GAD2: variants seen among roughly 807,000 people sequenced by gnomAD.
GAD2 encodes 65 kDa glutamic acid decarboxylase.
GAD2 carries 22 observed loss-of-function variants against 80.1 expected under a neutral mutation model. The ratio of observed to expected loss-of-function variants is 0.27; its 90% CI spans 0.20 to 0.39. The LOEUF (loss-of-function observed/expected upper bound fraction) is 0.39, where lower values mean the gene tolerates loss of function less well. Ranked by LOEUF, GAD2 falls within the 10% of genes least tolerant of loss-of-function variation. The pLI, the probability that GAD2 is intolerant of heterozygous loss-of-function variation, is 1.00. For synonymous variants in GAD2, 274 were observed against 256.9 expected, an observed-to-expected ratio of 1.07 and a Z score of -0.64; for missense variants, 624 against 738.4, an observed-to-expected ratio of 0.85 and a Z score of 1.80.
chr10:26,244,170 G>A (rs1027411269), intron 7 of GAD2, among the ~76,000 whole-genome samples: 8 of 152,180 alleles, frequency 5.3e-5, no homozygotes, highest in South Asian at 2.1e-4. Flanking sequence ...ATGCAAATCC[G>A]AAGCATAATG....
chr10:26,252,543 A>C (rs568662097), intron 8 of GAD2, among the ~76,000 whole-genome samples: 1 of 151,744 alleles, frequency 6.6e-6, no homozygotes, highest in African/African-American at 2.4e-5. Context: ...GGATCTTATC[A>C]TGTCACCATG....
intron 7 of GAD2, among the ~76,000 whole-genome samples, chr10:26,234,142 G>T (rs1404585198): frequency 6.6e-6 from 1 of 151,908 alleles, no homozygotes; most frequent in Admixed American, 6.6e-5. Flanking sequence ...TGGCCAACAT[G>T]GTGAAACCCC....
intron 8 of GAD2, among the ~76,000 whole-genome samples, chr10:26,254,984 G>A (rs1008540286): frequency 2.0e-5 from 3 of 152,254 alleles, no homozygotes; most frequent in African/African-American, 7.2e-5. Context: ...CAGATTTGGA[G>A]ATACTGAGTT....
At chr10:26,288,633 T>C (rs1834177242) in intron 13 of GAD2, among the ~76,000 whole-genome samples, 1 of 152,204 alleles carries the variant, frequency 6.6e-6, no homozygotes, top group African/African-American at 2.4e-5. Context: ...TGAATGTAAA[T>C]ATCAGGTAGC....
intron 13 of GAD2, among the ~76,000 whole-genome samples, chr10:26,287,843 G>T (rs1039278940): frequency 1.3e-5 from 2 of 152,112 alleles, no homozygotes; most frequent in Non-Finnish European, 2.9e-5. Context: ...ATGCTTGGTG[G>T]AGTGGATATA....
At chr10:26,250,041 T>A (rs1185564640) in intron 8 of GAD2, among the ~76,000 whole-genome samples, 4 of 151,996 alleles carry the variant, frequency 2.6e-5, no homozygotes, top group Admixed American at 6.5e-5. Context: ...TTTTTTTTTT[T>A]AAGACATGAG....
At chr10:26,257,408 C>T (rs562340814) in intron 8 of GAD2, among the ~76,000 whole-genome samples, 1 of 152,272 alleles carries the variant, frequency 6.6e-6, no homozygotes, top group South Asian at 2.1e-4. Context: ...GCTCTAGCAC[C>T]TTCTTCCACT....
At position 26,254,803 on chromosome 10, in the gene GAD2, G is replaced by A. The variant is rs79436585; in HGVS notation, c.920+8803G>A. Among the ~76,000 whole-genome samples, 10 of 152,302 alleles carry A rather than the reference G, an allele frequency of 6.6e-5. No homozygotes were observed. In the South Asian group the frequency reaches 1.5e-3, roughly 22 times the overall value. ...AATGGGAGATGATGAATAGCGGGCC[G>A]ACCAGATGCAGAGCAAGGGACAGGG... On this transcript the variant is annotated intron_variant, in intron 8 of 15. Transcript: ENST00000376261.
chr10:26,273,581 A>G, intron 10 of GAD2, 55 bp from the exon 11 acceptor site: 1 of 1,438,254 alleles, frequency 7.0e-7, no homozygotes, highest in Non-Finnish European at 9.8e-7. Flanking sequence ...ACCAGACTAT[A>G]GAAATCTAGG....
chr10:26,252,337 AT>A (rs1004422452), intron 8 of GAD2, among the ~76,000 whole-genome samples: 5 of 149,898 alleles, frequency 3.3e-5, no homozygotes, highest in East Asian at 2.0e-4. Flanking sequence ...TGCGAGGTAC[AT>A]TTTTTTTTCT....
At chr10:26,233,570 C>T (rs1184481332) in intron 7 of GAD2, among the ~76,000 whole-genome samples, 5 of 152,186 alleles carry the variant, frequency 3.3e-5, no homozygotes, top group African/African-American at 4.8e-5. Flanking sequence ...TCCTTCTGGG[C>T]TCTAGACCTC....
chr10:26,280,013 C>A (rs966396331), intron 11 of GAD2, among the ~76,000 whole-genome samples: 10 of 152,298 alleles, frequency 6.6e-5, no homozygotes, highest in African/African-American at 2.4e-4. Context: ...ATAGCAAGAA[C>A]CATAGAGGCA....
rs1045840765 is a variant in GAD2 at position 26,273,656 on chromosome 10, A to C, written c.1113A>C (p.Leu371Phe). The C allele has an allele frequency of 1.9e-6, 3 of 1,613,698 alleles. No homozygotes were observed. The highest frequency in any genetic ancestry group is 3.3e-5 in the Admixed American group (2 of 59,928). Residue 371 changes from leucine (L) to phenylalanine (F), a missense_variant, in exon 11 of 16, where the codon TTA becomes TTC. Leu to Phe is a conservative substitution (Grantham distance 22). Transcript: ENST00000376261. Reference sequence around the variant, plus strand: ...TTCAGGCAGCTTGGGGTGGGGGATTACTGATGTCCCGAAAACACAAGTGGA... The same window carrying C: ...TTCAGGCAGCTTGGGGTGGGGGATTCCTGATGTCCCGAAAACACAAGTGGA... ...MHVDAAWGGGLLMSRKHKWKL... is the reference protein window; with the variant it reads ...MHVDAAWGGGFLMSRKHKWKL...
chr10:26,216,752 C>G, upstream of GAD2: 3 of 1,516,014 alleles, frequency 2.0e-6, no homozygotes, highest in Non-Finnish European at 2.7e-6. The surrounding 1 kb of genome is among the most constrained non-coding windows in gnomAD (Gnocchi z 4.7). Context: ...GGGCCAAGCC[C>G]GAGGCAGCTC....
chr10:26,302,152 C>G lies in GAD2; in HGVS notation c.*1191C>G, dbSNP rs969298152. The G allele has an allele frequency of 3.9e-5, 6 of 152,016 alleles. No homozygotes were observed. Among genetic ancestry groups the G allele is most frequent in the African/African-American group, 1.5e-4 (6 of 41,360 alleles). 9.4% of individuals were successfully genotyped at this position (152,016 alleles called of 1,614,324 possible). On this transcript the variant is annotated 3_prime_UTR_variant, in exon 16 of 16. Transcript: ENST00000376261. The stretch of plus-strand genomic sequence containing the variant: ...TGTCCAGGAAAGAGAAATTTACCTC[C>G]AGGCCAGTTGCGCATTTCCATCCCC...
At position 26,253,342 on chromosome 10, in the gene GAD2, G is replaced by A. The variant is rs111466467; in HGVS notation, c.920+7342G>A. ...AAAAAGTTGAATATTCAGTGATGAGGTTGATGAATTTTTATTCATGTCATT... is the reference window on the plus strand; with the variant it reads ...AAAAAGTTGAATATTCAGTGATGAGATTGATGAATTTTTATTCATGTCATT... On this transcript the variant is annotated intron_variant, in intron 8 of 15. Coordinates refer to ENST00000376261, the MANE Select transcript of GAD2 (RefSeq NM_001134366.2). Among the ~76,000 whole-genome samples, 296 of 152,300 alleles carry A rather than the reference G, an allele frequency of 1.9e-3. 3 individuals carry two copies. The highest frequency in any genetic ancestry group is 6.0e-3 in the African/African-American group (249 of 41,576).
intron 10 of GAD2, among the ~76,000 whole-genome samples, chr10:26,271,639 G>T (rs539706571): frequency 6.6e-6 from 1 of 152,136 alleles, no homozygotes; most frequent in Non-Finnish European, 1.5e-5. Context: ...ATGTTCATTC[G>T]AGTGCAAGAT....
intron 6 of GAD2, among the ~76,000 whole-genome samples, chr10:26,226,982 T>A (rs2132274001): frequency 6.6e-6 from 1 of 152,310 alleles, no homozygotes; most frequent in East Asian, 1.9e-4. Context: ...CACTTGCTTT[T>A]ATTCATGTAT....
At chr10:26,243,041 A>AC (rs1554851241) in intron 7 of GAD2, among the ~76,000 whole-genome samples, 282 of 108,500 alleles carry the variant, frequency 2.6e-3, no homozygotes, top group Non-Finnish European at 4.0e-3. Context: ...ATGCACAAAA[A>AC]ACCCCCCCCC....
Sources: allele counts gnomAD v4.1 joint callset (sites outside exome capture counted in the v4.1 genomes callset), GRCh38; gene constraint gnomAD v4.1.1; non-coding constraint Gnocchi (gnomAD v3.1); transcripts MANE v1.5; gene names NCBI Gene and HGNC (gene_info 2026-07-23, HGNC 2026-07-21).